FGF12: variants seen among roughly 807,000 people sequenced by gnomAD.
FGF12 encodes the protein fibroblast growth factor 12, also known as fibroblast growth factor 12B.
A neutral mutation model predicts 23.6 loss-of-function variants in FGF12; 14 were observed. The ratio of observed to expected loss-of-function variants is 0.59; its 90% confidence interval spans 0.39 to 0.93. FGF12 has a LOEUF of 0.93. FGF12 is among the 40% of genes least tolerant of loss of function. The pLI is 0.00. For synonymous variants in FGF12, 62 were observed against 77.3 expected (o/e 0.80, Z 1.04); for missense variants, 175 against 217.8 (o/e 0.80, Z 1.24).
intron 2 of FGF12, among the ~76,000 whole-genome samples, chr3:192,404,428 A>G (rs191264752): frequency 6.6e-6 from 1 of 152,320 alleles, no homozygotes; most frequent in African/African-American, 2.4e-5. Context: ...CAAAACATAC[A>G]TCATTTTGTA....
At chr3:192,540,884 G>A (rs1382087219) in intron 2 of FGF12, among the ~76,000 whole-genome samples, 7 of 152,068 alleles carry the variant, frequency 4.6e-5, no homozygotes, top group African/African-American at 1.7e-4. Flanking sequence ...TTATCATTAT[G>A]TAATGACCTT....
intron 4 of FGF12, among the ~76,000 whole-genome samples, chr3:192,306,238 T>C (rs1444718361): frequency 1.3e-5 from 2 of 152,174 alleles, no homozygotes; most frequent in Non-Finnish European, 2.9e-5. Flanking sequence ...ATTTCAATTA[T>C]ATGTTAGGGG....
At chr3:192,657,651 C>T (rs9813078) in intron 2 of FGF12, among the ~76,000 whole-genome samples, 85,483 of 151,940 alleles carry the variant, frequency 0.56, 24,471 homozygotes, top group East Asian at 0.67. Context: ...CTCATGTGGT[C>T]TTAAAATACA....
intron 2 of FGF12, among the ~76,000 whole-genome samples, chr3:192,630,702 G>A (rs558696990): frequency 5.4e-5 from 8 of 148,990 alleles, no homozygotes; most frequent in Non-Finnish European, 8.9e-5. Flanking sequence ...ACAGGCGCCC[G>A]CCACCACGCC....
intron 2 of FGF12, among the ~76,000 whole-genome samples, chr3:192,641,060 T>C (rs1188791474): frequency 6.6e-6 from 1 of 151,406 alleles, no homozygotes; most frequent in Non-Finnish European, 1.5e-5. Context: ...CCTCCCAAAA[T>C]ACTGGGACTA....
At chr3:192,665,004 C>T (rs1030871208) in intron 2 of FGF12, among the ~76,000 whole-genome samples, 14 of 152,114 alleles carry the variant, frequency 9.2e-5, no homozygotes, top group Non-Finnish European at 1.8e-4. Flanking sequence ...CCTCATCTGG[C>T]GTTCAGTAAG....
intron 2 of FGF12, among the ~76,000 whole-genome samples, chr3:192,613,525 A>T (rs1714628948): frequency 6.6e-6 from 1 of 151,992 alleles, no homozygotes; most frequent in African/African-American, 2.4e-5. Context: ...ACATGTAATA[A>T]ATAAATCGTC....
rs187022763 is a variant in FGF12, at chr3:192,202,626, G to C, written c.229-31970C>G. On this transcript the variant is annotated intron_variant, in intron 4 of 5. Coordinates refer to ENST00000445105, the MANE Select transcript of FGF12 (RefSeq NM_004113.6). ...AAATATTTAATTTTGTCTCATATCC[G>C]AATAGTAGAGGAAAGGCCATATTGT... 6.6e-5 allele frequency among the ~76,000 whole-genome samples: 10 copies of C among 152,192 alleles called. No individual in the cohort carries two copies. The South Asian group carries it at 1.9e-3, about 28-fold the overall frequency.
chr3:192,268,969 C>T (rs144313090), intron 4 of FGF12, among the ~76,000 whole-genome samples: 1,648 of 152,062 alleles, frequency 0.011, 27 homozygotes, highest in African/African-American at 0.037. Flanking sequence ...GGCTGGAGTG[C>T]AGCAGCATGA....
rs1188712306 is a variant in FGF12 at position 192,152,541 on chromosome 3, A to G, written c.428-8414T>C. ...TTTGTTCTTGTTGGTTTCAAAGAAC[A>G]TCTTTATTTCTGCCTTCATTTCGTT... On this transcript the variant is annotated intron_variant, in intron 5 of 5. Coordinates refer to ENST00000445105, the MANE Select transcript of FGF12 (RefSeq NM_004113.6). Among the ~76,000 whole-genome samples the G allele has an allele frequency of 1.1e-4, 17 of 150,056 alleles. No individual in the cohort carries two copies. The South Asian group carries it at 2.8e-3, about 25-fold the overall frequency.
At position 192,232,513 on chromosome 3, in the gene FGF12, G is replaced by GTATTTATTTATTTATTTATT. The variant is rs112832511; in HGVS notation, c.229-61877_229-61858dup. 1.9e-3 allele frequency among the ~76,000 whole-genome samples: 274 copies of GTATTTATTTATTTATTTATT among 147,470 alleles called. 1 individual carries two copies. Among genetic ancestry groups the GTATTTATTTATTTATTTATT allele is most frequent in the South Asian group, 6.4e-3 (29 of 4,538 alleles). ...ATCAATGGTGGGCTCCCATGCACGT[G>GTATTTATTTATTTATTTATT]TATTTATTTATTTATTTATTTATTT... On this transcript the variant is annotated intron_variant, in intron 4 of 5. Transcript: ENST00000445105.
chr3:192,478,197 C>T (rs1047322418), intron 2 of FGF12, among the ~76,000 whole-genome samples: 5 of 152,128 alleles, frequency 3.3e-5, no homozygotes, highest in African/African-American at 9.7e-5. Context: ...GAGCAATTAC[C>T]GTTTTCCAAC....
chr3:192,348,118 C>T (rs1198725838), intron 3 of FGF12, among the ~76,000 whole-genome samples: 1 of 152,100 alleles, frequency 6.6e-6, no homozygotes, highest in African/African-American at 2.4e-5. Context: ...CTGCTCGTAC[C>T]TAAGTAGGAA....
At chr3:192,449,681 T>C (rs1050905221) in intron 2 of FGF12, among the ~76,000 whole-genome samples, 3 of 152,184 alleles carry the variant, frequency 2.0e-5, no homozygotes, top group African/African-American at 7.2e-5. Context: ...CTCTGGCAAC[T>C]CTGCAGCAAG....
intron 2 of FGF12, among the ~76,000 whole-genome samples, chr3:192,655,435 G>A (rs942052360): frequency 1.3e-5 from 2 of 152,092 alleles, no homozygotes; most frequent in African/African-American, 4.8e-5. Flanking sequence ...ACCATGACTT[G>A]ACCTTGAGGA....
chr3:192,634,971 C>T (rs1334048468), intron 2 of FGF12, among the ~76,000 whole-genome samples: 3 of 151,972 alleles, frequency 2.0e-5, no homozygotes, highest in Admixed American at 1.3e-4. Context: ...GCGATTCTCC[C>T]GCCTCAGCCT....
chr3:192,156,209 CAAAG>C (rs908406106), intron 5 of FGF12, among the ~76,000 whole-genome samples: 7 of 152,034 alleles, frequency 4.6e-5, no homozygotes, highest in Admixed American at 2.0e-4. Context: ...GAAAACAAAA[CAAAG>C]AAACAGAAAC....
intron 4 of FGF12, among the ~76,000 whole-genome samples, chr3:192,215,535 T>C (rs1301606518): frequency 1.3e-5 from 2 of 152,184 alleles, no homozygotes; most frequent in African/African-American, 4.8e-5. Flanking sequence ...AATGGTTATA[T>C]GGGTCTTAAA....
intron 4 of FGF12, among the ~76,000 whole-genome samples, chr3:192,233,095 T>C (rs190739520): frequency 1.2e-4 from 19 of 152,296 alleles, no homozygotes; most frequent in Admixed American, 3.3e-4. Context: ...GGTTCAATGA[T>C]AGCTCTGGTT....
Sources: allele counts gnomAD v4.1 joint callset (sites outside exome capture counted in the v4.1 genomes callset), GRCh38; gene constraint gnomAD v4.1.1; transcripts MANE v1.5; gene names NCBI Gene and HGNC (gene_info 2026-07-23, HGNC 2026-07-21).